Variants in TOPAZ1 observed in about 807,000 individuals in gnomAD.
TOPAZ1 encodes protein TOPAZ1.
TOPAZ1 carries 66 observed loss-of-function variants against 172.2 expected under a neutral mutation model. The observed-to-expected ratio is 0.38, with a 90% confidence interval of 0.31 to 0.47. TOPAZ1 has a LOEUF of 0.47. Among genes scored for constraint, TOPAZ1 ranks in the 20% least tolerant of loss-of-function variants. The probability of loss-of-function intolerance (pLI) is 0.99; values close to 1 mark genes in which losing one functional copy is unlikely to be tolerated. For synonymous variants in TOPAZ1, 681 were observed against 683.9 expected, an observed-to-expected ratio of 1.00 and a Z score of 0.07; for missense variants, 1,822 against 1,972.4, an observed-to-expected ratio of 0.92 and a Z score of 1.44.
chr3:44,330,869 G>A (rs978806918), intron 19 of TOPAZ1, among the ~76,000 whole-genome samples: 7 of 152,180 alleles, frequency 4.6e-5, no homozygotes, highest in African/African-American at 1.2e-4. Flanking sequence ...TGCAGATGGC[G>A]CTGGTAGAAA....
At chr3:44,280,594 C>T (rs1476499985) in intron 8 of TOPAZ1, among the ~76,000 whole-genome samples, 2 of 152,194 alleles carry the variant, frequency 1.3e-5, no homozygotes, top group East Asian at 1.9e-4. Context: ...GCAATCCACC[C>T]GCCTTGGTGG....
intron 12 of TOPAZ1, among the ~76,000 whole-genome samples, chr3:44,296,636 T>TA (rs1014382078): frequency 2.0e-5 from 3 of 151,816 alleles, no homozygotes; most frequent in African/African-American, 7.2e-5. Flanking sequence ...TAAATAGTGT[T>TA]ACAACTATGG....
At chr3:44,256,358 CG>C (rs1365835669) in intron 4 of TOPAZ1, 80 bp downstream of exon 4, 4 of 1,359,972 alleles carry the variant, frequency 2.9e-6, no homozygotes, top group Non-Finnish European at 3.9e-6. Context: ...ACAGTGCTAT[CG>C]GGTGGCAAGT....
chr3:44,315,786 A>G (rs1408972543), intron 16 of TOPAZ1, among the ~76,000 whole-genome samples: 1 of 152,082 alleles, frequency 6.6e-6, no homozygotes, highest in Admixed American at 6.6e-5. Context: ...ATCAAGACCT[A>G]CTACTTAGGT....
Position 44,296,311 on chromosome 3 carries a change from A to G in TOPAZ1, c.3797+5425A>G, listed in dbSNP as rs542530695. ...AACTCAAAGTAAGCATAAGAAAGGC[A>G]ATAAAGCTAAGAATATGAATCAATG... is the stretch of plus-strand genomic sequence containing the variant. On this transcript the variant is annotated intron_variant, in intron 12 of 19. Coordinates refer to ENST00000309765, the MANE Select transcript of TOPAZ1 (RefSeq NM_001145030.2). Among the ~76,000 whole-genome samples, 29 of 152,342 alleles carry G rather than the reference A, an allele frequency of 1.9e-4. No homozygotes were observed. The South Asian group carries it at 6.0e-3, about 32-fold the overall frequency.
chr3:44,247,465 C>A (rs1344964321), intron 2 of TOPAZ1, among the ~76,000 whole-genome samples: 1 of 152,152 alleles, frequency 6.6e-6, no homozygotes, highest in African/African-American at 2.4e-5. Context: ...GAACATATTT[C>A]TACACACTTT....
At chr3:44,327,275 C>T (rs1390697451) in intron 18 of TOPAZ1, among the ~76,000 whole-genome samples, 1 of 152,198 alleles carries the variant, frequency 6.6e-6, no homozygotes, top group Non-Finnish European at 1.5e-5. Context: ...CTTGAAGAAA[C>T]TCATCCTAAC....
intron 2 of TOPAZ1, among the ~76,000 whole-genome samples, chr3:44,247,205 G>A (rs1356277705): frequency 6.6e-6 from 1 of 151,992 alleles, no homozygotes; most frequent in Non-Finnish European, 1.5e-5. Flanking sequence ...AGAAAAATTG[G>A]ATCATGCCAT....
chr3:44,267,203 A>G (rs1699839832), intron 6 of TOPAZ1, 67 bp downstream of exon 6: 6 of 1,313,482 alleles, frequency 4.6e-6, no homozygotes, highest in South Asian at 2.0e-5. Context: ...AGATTTTTCT[A>G]CCAAAAACAA....
At chr3:44,250,062 A>C (rs1285923657) in intron 2 of TOPAZ1, among the ~76,000 whole-genome samples, 3 of 152,098 alleles carry the variant, frequency 2.0e-5, no homozygotes, top group African/African-American at 7.2e-5. Flanking sequence ...ATAAAAGCCT[A>C]CCACTTTTGC....
intron 12 of TOPAZ1, among the ~76,000 whole-genome samples, chr3:44,298,102 G>A (rs1334541726): frequency 6.6e-6 from 1 of 152,062 alleles, no homozygotes; most frequent in Non-Finnish European, 1.5e-5. Context: ...TTTTTTTGTA[G>A]GTATAAAAAC....
intron 4 of TOPAZ1, among the ~76,000 whole-genome samples, chr3:44,260,208 C>T (rs1204915461): frequency 6.6e-6 from 1 of 152,172 alleles, no homozygotes; most frequent in Non-Finnish European, 1.5e-5. Flanking sequence ...CAGTCTTGGG[C>T]AGTTCTTTAT....
chr3:44,336,635 CTGCAGGATCCCCT>C (rs1183993825), downstream of TOPAZ1, among the ~76,000 whole-genome samples: 2 of 152,220 alleles, frequency 1.3e-5, no homozygotes, highest in African/African-American at 4.8e-5. Context: ...CACCCTCGTT[CTGCAGGATCCCCT>C]TGTCAGGTAG....
At chr3:44,266,683 T>G (rs1699833480) in intron 5 of TOPAZ1, among the ~76,000 whole-genome samples, 1 of 152,186 alleles carries the variant, frequency 6.6e-6, no homozygotes, top group South Asian at 2.1e-4. Flanking sequence ...TTAGTTTTCA[T>G]GGTGCCCTGA....
chr3:44,257,438 ATGTG>A (rs1217031994), intron 4 of TOPAZ1, among the ~76,000 whole-genome samples: 2 of 119,276 alleles, frequency 1.7e-5, no homozygotes, highest in African/African-American at 3.3e-5. Context: ...TATATATAAA[ATGTG>A]TGTGTATCTA....
chr3:44,318,711 G>A (rs1353528935), intron 16 of TOPAZ1, among the ~76,000 whole-genome samples: 8 of 149,640 alleles, frequency 5.3e-5, no homozygotes, highest in Non-Finnish European at 1.2e-4. Context: ...CTCTCCCAGG[G>A]GACTCATTTC....
In TOPAZ1 at chr3:44,321,081, T is replaced by C; in HGVS notation, c.4361T>C (p.Leu1454Pro). 6.4e-7 allele frequency: 1 copy of C among 1,550,954 alleles called. No individual in the cohort carries two copies. Among genetic ancestry groups the C allele is most frequent in the Non-Finnish European group, 8.7e-7 (1 of 1,146,354 alleles). ...TGGCCTTGTGATAGACTGGATGTGC[T>C]TAATCGACATAATTTACTCTGTACA... is the stretch of plus-strand genomic sequence containing the variant. ...PLWPCDRLDV[L>P]NRHNLLCTIA... The change falls in exon 17 of 20, where the codon CTT becomes CCT. Residue 1454 changes from leucine (L) to proline (P), a missense_variant. This residue lies in a region of TOPAZ1 where 333 missense variants were observed against 481.7 expected (regional missense o/e 0.69). Transcript: ENST00000309765.
chr3:44,331,230 A>G (rs1386471779), intron 19 of TOPAZ1, among the ~76,000 whole-genome samples: 1 of 152,214 alleles, frequency 6.6e-6, no homozygotes, highest in African/African-American at 2.4e-5. Context: ...GGGTGTTACA[A>G]CCAGTATTAT....
At position 44,316,119 on chromosome 3, in the gene TOPAZ1, G is replaced by A. The variant is rs571275354; in HGVS notation, c.4307-4908G>A. Among the ~76,000 whole-genome samples, 338 of 151,904 alleles carry A rather than the reference G, an allele frequency of 2.2e-3. 2 individuals are homozygous for A. The highest frequency in any genetic ancestry group is 7.8e-3 in the African/African-American group (323 of 41,466). ...TAATTAGCCAGGCATGGTAGCACAC[G>A]CCTGTAGTCTCAGCTACTCAGGAGG... On this transcript the variant is annotated intron_variant, in intron 16 of 19. Transcript: ENST00000309765.
Sources: gnomAD v4.1 joint callset for allele counts (sites outside exome capture counted in the v4.1 genomes callset) on GRCh38, gnomAD v4.1.1 for gene constraint, gnomAD v4.1.1 regional missense constraint, MANE v1.5 for transcripts, NCBI Gene and HGNC (gene_info 2026-07-23, HGNC 2026-07-21) for gene names.